FBN2: variants seen among roughly 807,000 people sequenced by gnomAD.
FBN2 encodes the protein fibrillin 2, also known as fibrillin-2.
FBN2 carries 105 observed loss-of-function variants against 355.6 expected under a neutral mutation model. The observed-to-expected ratio is 0.30, with a 90% CI of 0.25 to 0.35. The LOEUF (loss-of-function observed/expected upper bound fraction) is 0.35, where lower values mean the gene tolerates loss of function less well. FBN2 is among the 10% of genes least tolerant of loss of function. FBN2 has a pLI of 1.00. For synonymous variants in FBN2, 1,350 were observed against 1,301.2 expected (o/e 1.04, Z -0.81); for missense variants, 3,280 against 3,758.7 (o/e 0.87, Z 3.33).
Position 128,300,900 on chromosome 5 carries a change from G to A in FBN2, c.6083C>T (p.Ser2028Phe), listed in dbSNP as rs1749696512. 6.2e-7 allele frequency: 1 copy of A among 1,613,874 alleles called. No individual in the cohort carries two copies. The highest frequency in any genetic ancestry group is 8.5e-7 in the Non-Finnish European group (1 of 1,179,766). ...NECVALPGSC[S>F]PGTCQNLEGS... ...CTCCAAATTCTGACAGGTACCAGGA[G>A]AGCAAGAGCCGGGAAGGGCGACACA... The change falls in exon 48 of 65, where the codon TCT (serine) becomes TTT (phenylalanine). Residue 2028 changes from serine to phenylalanine, a missense_variant. By Grantham distance (155) the Ser-to-Phe change is radical. Coordinates refer to ENST00000262464, the MANE Select transcript of FBN2 (RefSeq NM_001999.4).
intron 62 of FBN2, among the ~76,000 whole-genome samples, chr5:128,269,280 A>G (rs577605317): frequency 2.1e-5 from 3 of 141,742 alleles, no homozygotes; most frequent in Non-Finnish European, 3.0e-5. Flanking sequence ...AATAATAATA[A>G]TAGTAATAAT....
chr5:128,335,722 C>A, intron 28 of FBN2, 145 bp from the exon 29 acceptor site: 1 of 1,082,534 alleles, frequency 9.2e-7, no homozygotes, highest in Non-Finnish European at 1.4e-6. Flanking sequence ...TTAGTTCTTT[C>A]ACCTTCATTT....
At chr5:128,442,378 A>G (rs754504702) in intron 7 of FBN2, 1 of 456,556 alleles carries the variant, frequency 2.2e-6, no homozygotes, top group South Asian at 1.6e-5. Context: ...ATGGACTGAA[A>G]TTCAAACGAA....
intron 6 of FBN2, among the ~76,000 whole-genome samples, chr5:128,447,212 C>T (rs562515980): frequency 6.6e-5 from 10 of 152,098 alleles, no homozygotes; most frequent in Admixed American, 3.3e-4. Context: ...AGGATAACAG[C>T]GATGTTCAGG....
intron 42 of FBN2, among the ~76,000 whole-genome samples, chr5:128,306,402 C>G (rs550451901): frequency 1.6e-4 from 25 of 152,120 alleles, no homozygotes; most frequent in Middle Eastern, 6.8e-3. Flanking sequence ...GGTGGATCAC[C>G]TGAGGTCAGG....
chr5:128,371,826 C>G (rs916709127), intron 15 of FBN2, among the ~76,000 whole-genome samples: 1 of 152,134 alleles, frequency 6.6e-6, no homozygotes. Flanking sequence ...AGCCACCATG[C>G]CTGTCCCCTT....
chr5:128,451,860 T>C (rs1299425023), intron 6 of FBN2, among the ~76,000 whole-genome samples: 2 of 152,232 alleles, frequency 1.3e-5, no homozygotes, highest in Non-Finnish European at 2.9e-5. Context: ...ATTCATAAAA[T>C]TGTATGCTGC....
intron 47 of FBN2, 135 bp downstream of exon 47, chr5:128,301,247 T>A: frequency 1.1e-6 from 1 of 888,416 alleles, no homozygotes; most frequent in Non-Finnish European, 1.8e-6. Flanking sequence ...AAATTTTCCA[T>A]CATAGCTTAT....
At chr5:128,403,042 T>C (rs944258363) in intron 8 of FBN2, among the ~76,000 whole-genome samples, 1 of 152,216 alleles carries the variant, frequency 6.6e-6, no homozygotes, top group Non-Finnish European at 1.5e-5. Context: ...TACTCTTTCA[T>C]TTCTGGTTCC....
At chr5:128,390,859 C>G (rs1406407345) in intron 11 of FBN2, among the ~76,000 whole-genome samples, 1 of 152,154 alleles carries the variant, frequency 6.6e-6, no homozygotes, top group Admixed American at 6.5e-5. Flanking sequence ...AACATTCAAG[C>G]TTAAAAATGA....
At chr5:128,334,869 T>C (rs1561776211) in intron 30 of FBN2, 25 bp from the exon 31 acceptor site, 2 of 1,586,476 alleles carry the variant, frequency 1.3e-6, no homozygotes, top group African/African-American at 2.7e-5. Context: ...TTCAATATCT[T>C]AGTATGTGCT....
intron 25 of FBN2, 183 bp from the exon 26 acceptor site, chr5:128,339,244 A>G: frequency 1.7e-6 from 1 of 605,152 alleles, no homozygotes; most frequent in East Asian, 3.0e-5. Context: ...CAACTGCCAA[A>G]ACTGCCATGC....
At chr5:128,287,150 G>A (rs763828532) in intron 54 of FBN2, among the ~76,000 whole-genome samples, 158 bp downstream of exon 54, 4 of 152,176 alleles carry the variant, frequency 2.6e-5, no homozygotes, top group Non-Finnish European at 4.4e-5. Context: ...ACCATCATGT[G>A]TCTTGTTATC....
intron 5 of FBN2, among the ~76,000 whole-genome samples, chr5:128,502,806 A>G (rs1005565472): frequency 2.0e-5 from 3 of 152,234 alleles, no homozygotes; most frequent in Admixed American, 6.5e-5. Context: ...TAATTTTTGT[A>G]AGAAGAAAAG....
intron 53 of FBN2, 56 bp downstream of exon 53, chr5:128,288,382 T>C (rs1749218328): frequency 1.3e-6 from 2 of 1,592,502 alleles, no homozygotes; most frequent in South Asian, 2.2e-5. Flanking sequence ...TATTGAGACA[T>C]TAAAAAACAC....
chr5:128,284,517 C>T (rs1301818250), intron 55 of FBN2, among the ~76,000 whole-genome samples: 1 of 152,214 alleles, frequency 6.6e-6, no homozygotes, highest in Non-Finnish European at 1.5e-5. Context: ...CATCTTTGAA[C>T]AATTTTCTCC....
intron 35 of FBN2, among the ~76,000 whole-genome samples, chr5:128,318,602 T>A (rs974756087): frequency 6.6e-6 from 1 of 151,864 alleles, no homozygotes; most frequent in East Asian, 1.9e-4. Flanking sequence ...ACATGTACTA[T>A]ATATACATAT....
chr5:128,490,912 G>A (rs901478447), intron 5 of FBN2, among the ~76,000 whole-genome samples: 1 of 152,182 alleles, frequency 6.6e-6, no homozygotes, highest in Non-Finnish European at 1.5e-5. Flanking sequence ...CAGTAATGCA[G>A]AATTTTTGGA....
intron 48 of FBN2, among the ~76,000 whole-genome samples, chr5:128,297,852 G>A (rs1581197583): frequency 6.6e-6 from 1 of 151,424 alleles, no homozygotes; most frequent in Non-Finnish European, 1.5e-5. Flanking sequence ...AGTTAATATT[G>A]TTATGTGTGA....
Sources: gnomAD v4.1 joint callset for allele counts (sites outside exome capture counted in the v4.1 genomes callset) on GRCh38, gnomAD v4.1.1 for gene constraint, MANE v1.5 for transcripts, NCBI Gene and HGNC (gene_info 2026-07-23, HGNC 2026-07-21) for gene names.